The following MALRD1 variants were observed in gnomAD, a reference collection of about 807,000 sequenced individuals.
MALRD1 encodes MAM and LDL receptor class A domain containing 1, also known as MAM and LDL-receptor class A domain-containing protein 1.
Under a neutral mutation model 242.1 loss-of-function variants are expected in MALRD1, and 247 were observed. The ratio of observed to expected loss-of-function variants is 1.02; its 90% CI spans 0.92 to 1.13. The LOEUF (loss-of-function observed/expected upper bound fraction) is 1.13, where lower values mean the gene tolerates loss of function less well. Among genes scored for constraint, MALRD1 ranks in the 50% most tolerant of loss-of-function variants. The pLI is 0.00. For missense variants in MALRD1, 2,989 were observed against 2,533.1 expected, an observed-to-expected ratio of 1.18 and a Z score of -3.86; for synonymous variants, 995 against 866.6, an observed-to-expected ratio of 1.15 and a Z score of -2.60.
intron 21 of MALRD1, among the ~76,000 whole-genome samples, chr10:19,306,560 G>C (rs1184959063): frequency 2.7e-5 from 4 of 147,232 alleles, no homozygotes; most frequent in Non-Finnish European, 4.5e-5. Flanking sequence ...ATATAGTATG[G>C]TAGTATATAT....
At chr10:19,254,152 G>A (rs977764068) in intron 18 of MALRD1, among the ~76,000 whole-genome samples, 1 of 151,950 alleles carries the variant, frequency 6.6e-6, no homozygotes, top group African/African-American at 2.4e-5. Flanking sequence ...AGCAGCATGA[G>A]AGTATTCTAA....
chr10:19,451,101 C>T lies in MALRD1; in HGVS notation c.5029+611C>T, dbSNP rs181457868. On this transcript the variant is annotated intron_variant, in intron 29 of 39. Transcript: ENST00000454679. ...ACACCTCTCTTCCTTCCGTACCATC[C>T]GCTTTCTAACATGGATAATTTTTCC... Among the ~76,000 whole-genome samples the T allele has an allele frequency of 4.4e-4, 67 of 152,264 alleles. 2 individuals carry two copies. The East Asian group carries it at 7.7e-3, about 18-fold the overall frequency.
At chr10:19,121,332 G>C (rs917919560) in intron 5 of MALRD1, among the ~76,000 whole-genome samples, 1 of 152,082 alleles carries the variant, frequency 6.6e-6, no homozygotes, top group Admixed American at 6.6e-5. Context: ...GAGCCACTGT[G>C]CCCAGCCTAC....
At chr10:19,262,129 C>G (rs1488619133) in intron 19 of MALRD1, among the ~76,000 whole-genome samples, 1 of 151,886 alleles carries the variant, frequency 6.6e-6, no homozygotes, top group African/African-American at 2.4e-5. Flanking sequence ...ATTTAATTTT[C>G]AAATCATTCT....
At chr10:19,324,660 A>G (rs1488045378) in intron 22 of MALRD1, among the ~76,000 whole-genome samples, 1 of 151,506 alleles carries the variant, frequency 6.6e-6, no homozygotes, top group African/African-American at 2.4e-5. Context: ...AAAAAAATCC[A>G]GTATAGGATA....
chr10:19,615,119 T>A (rs1839081983), intron 35 of MALRD1, among the ~76,000 whole-genome samples: 1 of 152,076 alleles, frequency 6.6e-6, no homozygotes, highest in South Asian at 2.1e-4. Flanking sequence ...AAATGATAAA[T>A]TTTTGAGATG....
intron 36 of MALRD1, among the ~76,000 whole-genome samples, chr10:19,642,302 A>C (rs1840424170): frequency 6.6e-6 from 1 of 152,144 alleles, no homozygotes; most frequent in African/African-American, 2.4e-5. Flanking sequence ...GCAAATGGGT[A>C]ATTTTAAAAT....
At chr10:19,375,740 G>A (rs997502144) in intron 26 of MALRD1, among the ~76,000 whole-genome samples, 4 of 152,104 alleles carry the variant, frequency 2.6e-5, no homozygotes, top group Non-Finnish European at 5.9e-5. Flanking sequence ...ACTCAACCAC[G>A]ATGAAATTAA....
chr10:19,176,233 T>C (rs1835224610), intron 14 of MALRD1, among the ~76,000 whole-genome samples: 1 of 152,050 alleles, frequency 6.6e-6, no homozygotes, highest in African/African-American at 2.4e-5. Context: ...AGTTGTATTC[T>C]TACAGGAGCT....
At chr10:19,236,083 A>G (rs73593856) in intron 18 of MALRD1, among the ~76,000 whole-genome samples, 19,961 of 152,206 alleles carry the variant, frequency 0.13, 1,663 homozygotes, top group Admixed American at 0.27. Flanking sequence ...ATGGGTGACT[A>G]CTCGAGGAGT....
At chr10:19,415,063 C>T (rs1374308084) in intron 28 of MALRD1, among the ~76,000 whole-genome samples, 1 of 152,100 alleles carries the variant, frequency 6.6e-6, no homozygotes, top group African/African-American at 2.4e-5. Flanking sequence ...CTATTTAAAC[C>T]ATAATTTAGC....
intron 4 of MALRD1, among the ~76,000 whole-genome samples, chr10:19,091,555 G>A (rs1588529781): frequency 6.1e-5 from 2 of 32,850 alleles, no homozygotes; most frequent in Non-Finnish European, 1.0e-4. Flanking sequence ...TGGATTCATT[G>A]ATTTTTTGAA....
At chr10:19,647,222 C>T (rs1340674788) in intron 36 of MALRD1, among the ~76,000 whole-genome samples, 3 of 152,100 alleles carry the variant, frequency 2.0e-5, no homozygotes, top group African/African-American at 4.8e-5. Flanking sequence ...CAATGTACGC[C>T]CTATTTTATC....
intron 23 of MALRD1, 43 bp downstream of exon 23, chr10:19,327,716 T>C: frequency 2.1e-6 from 3 of 1,418,072 alleles, no homozygotes; most frequent in South Asian, 1.2e-5. Context: ...GTTCTGCTGA[T>C]TTTTTTCATC....
chr10:19,400,684 T>A (rs1282936146), intron 28 of MALRD1, among the ~76,000 whole-genome samples: 1 of 152,110 alleles, frequency 6.6e-6, no homozygotes, highest in African/African-American at 2.4e-5. Context: ...AATAAAAAAA[T>A]TAAATTGGAT....
intron 36 of MALRD1, among the ~76,000 whole-genome samples, chr10:19,648,859 C>G (rs1419047835): frequency 2.0e-5 from 3 of 151,968 alleles, no homozygotes; most frequent in Non-Finnish European, 4.4e-5. Context: ...AGACCAGTAC[C>G]CAATAGTTAT....
At chr10:19,260,039 A>AC (rs1564510094) in intron 19 of MALRD1, among the ~76,000 whole-genome samples, 3 of 152,164 alleles carry the variant, frequency 2.0e-5, no homozygotes, top group African/African-American at 7.2e-5. Context: ...TAGTTGTTGG[A>AC]TGGATAAGTA....
chr10:19,146,886 C>T (rs1833744768), intron 11 of MALRD1, among the ~76,000 whole-genome samples: 2 of 152,134 alleles, frequency 1.3e-5, no homozygotes, highest in African/African-American at 4.8e-5. Flanking sequence ...CCATAACTAC[C>T]TGTGGTTTTC....
chr10:19,620,785 A>C (rs937680590), intron 36 of MALRD1, among the ~76,000 whole-genome samples: 6 of 152,068 alleles, frequency 3.9e-5, no homozygotes, highest in Non-Finnish European at 7.4e-5. Context: ...TAAAGTCCTG[A>C]AATTTCAAAG....
Sources: allele counts gnomAD v4.1 joint callset (sites outside exome capture counted in the v4.1 genomes callset), GRCh38; gene constraint gnomAD v4.1.1; transcripts MANE v1.5; gene names NCBI Gene and HGNC (gene_info 2026-07-23, HGNC 2026-07-21).